The following NALF1 variants were observed in gnomAD, a reference collection of about 807,000 sequenced individuals.
NALF1 encodes NALCN channel auxiliary factor 1.
NALF1 carries 3 observed loss-of-function variants against 48.4 expected under a neutral mutation model. That is an observed-to-expected ratio of 0.06 (90% CI 0.03 to 0.16). NALF1 has a LOEUF of 0.16. Ranked by LOEUF, NALF1 falls within the 10% of genes least tolerant of loss-of-function variation. NALF1 has a pLI of 1.00. For synonymous variants in NALF1, 262 were observed against 245.7 expected (o/e 1.07, Z -0.62); for missense variants, 526 against 571.5 (o/e 0.92, Z 0.81).
intron 1 of NALF1, among the ~76,000 whole-genome samples, chr13:107,850,694 G>A (rs1188426561): frequency 2.4e-4 from 37 of 152,284 alleles, no homozygotes; most frequent in Admixed American, 1.8e-3. Context: ...CCTGAGGTCA[G>A]GAGTTCAATA....
intron 1 of NALF1, among the ~76,000 whole-genome samples, chr13:107,277,040 T>C (rs756177390): frequency 2.0e-5 from 3 of 152,182 alleles, no homozygotes; most frequent in South Asian, 2.1e-4. Flanking sequence ...AACATTGTAT[T>C]CACATTCTAG....
chr13:107,647,802 A>C (rs1209967527), intron 1 of NALF1, among the ~76,000 whole-genome samples: 1 of 152,114 alleles, frequency 6.6e-6, no homozygotes, highest in African/African-American at 2.4e-5. Flanking sequence ...ACTGAGTTAA[A>C]TATTACATTT....
intron 1 of NALF1, among the ~76,000 whole-genome samples, chr13:107,537,477 A>G (rs1032033218): frequency 9.9e-5 from 15 of 152,156 alleles, no homozygotes; most frequent in Admixed American, 8.5e-4. Context: ...TATAGTAACA[A>G]AGTAATTTGT....
intron 1 of NALF1, among the ~76,000 whole-genome samples, chr13:107,847,957 T>G (rs182274570): frequency 6.6e-6 from 1 of 152,386 alleles, no homozygotes; most frequent in Non-Finnish European, 1.5e-5. Flanking sequence ...TTCACTTTGA[T>G]CTAAACTTTA....
intron 1 of NALF1, among the ~76,000 whole-genome samples, chr13:107,548,904 A>G (rs1594123004): frequency 6.6e-6 from 1 of 152,164 alleles, no homozygotes; most frequent in African/African-American, 2.4e-5. Flanking sequence ...GAATCCAAAT[A>G]TAAGTATTAT....
intron 1 of NALF1, among the ~76,000 whole-genome samples, chr13:107,472,578 T>C (rs751416279): frequency 6.6e-6 from 1 of 152,092 alleles, no homozygotes; most frequent in Admixed American, 6.5e-5. Context: ...CAGAGGAACA[T>C]GGAGAGACTA....
At chr13:107,835,612 G>T (rs1879866233) in intron 1 of NALF1, among the ~76,000 whole-genome samples, 1 of 150,548 alleles carries the variant, frequency 6.6e-6, no homozygotes, top group Non-Finnish European at 1.5e-5. Context: ...GAGCTTAGGG[G>T]CAGGCACAAG....
In NALF1 at chr13:107,170,512, TGAG is replaced by T. The variant is rs1477175835; in HGVS notation, c.1359_1361del (p.Asn453_Ser454delinsLys). The stretch of plus-strand genomic sequence containing the variant: ...CGTCCTTCCGTTACTCCTCATTGGT[TGAG>T]TTTTCTTCCAGCGTGTTGATGCCTC... On this transcript the variant is annotated inframe_deletion, in exon 3 of 3. Coordinates refer to ENST00000375915, the MANE Select transcript of NALF1 (RefSeq NM_001080396.3). The T allele has an allele frequency of 1.1e-5, 17 of 1,600,564 alleles. No homozygotes were observed. Among genetic ancestry groups the T allele is most frequent in the South Asian group, 8.8e-5 (8 of 90,956 alleles).
chr13:107,233,308 C>G (rs187808627), intron 1 of NALF1, among the ~76,000 whole-genome samples: 561 of 152,216 alleles, frequency 3.7e-3, no homozygotes, highest in Middle Eastern at 6.8e-3. Flanking sequence ...GATAACACAA[C>G]CAAAGGACCA....
intron 1 of NALF1, among the ~76,000 whole-genome samples, chr13:107,641,765 G>A (rs903260524): frequency 3.3e-5 from 5 of 152,114 alleles, no homozygotes; most frequent in Non-Finnish European, 7.4e-5. Flanking sequence ...CCTGAACCGT[G>A]GCTGGGGGCC....
intron 1 of NALF1, among the ~76,000 whole-genome samples, chr13:107,360,980 C>G (rs912546451): frequency 1.3e-5 from 2 of 152,088 alleles, no homozygotes; most frequent in Admixed American, 1.3e-4. Flanking sequence ...TTTAATACAT[C>G]TTTTCTCCCA....
chr13:107,512,857 T>G (rs952001985), intron 1 of NALF1, among the ~76,000 whole-genome samples: 1 of 152,098 alleles, frequency 6.6e-6, no homozygotes, highest in Non-Finnish European at 1.5e-5. Flanking sequence ...CCCGCTCCCT[T>G]TTTTAGCTAG....
intron 1 of NALF1, among the ~76,000 whole-genome samples, chr13:107,568,721 C>T (rs1211811982): frequency 6.6e-6 from 1 of 152,078 alleles, no homozygotes; most frequent in Non-Finnish European, 1.5e-5. Flanking sequence ...TTTTTATGTG[C>T]TTATTTTCAA....
At chr13:107,515,258 T>C (rs917083166) in intron 1 of NALF1, among the ~76,000 whole-genome samples, 4 of 152,050 alleles carry the variant, frequency 2.6e-5, no homozygotes, top group African/African-American at 7.2e-5. Flanking sequence ...GACAGTAAGA[T>C]TGGAAAGGTT....
At chr13:107,244,923 C>T (rs1880549706) in intron 1 of NALF1, among the ~76,000 whole-genome samples, 1 of 152,032 alleles carries the variant, frequency 6.6e-6, no homozygotes, top group African/African-American at 2.4e-5. Flanking sequence ...TATGTGTTTC[C>T]TATTATTTAT....
intron 1 of NALF1, among the ~76,000 whole-genome samples, chr13:107,600,113 T>C (rs117147361): frequency 7.4e-4 from 113 of 152,294 alleles, no homozygotes; most frequent in Non-Finnish European, 1.5e-3. Flanking sequence ...TGTAAGAAAG[T>C]AGCCTCTTCA....
chr13:107,833,877 G>T (rs1879813295), intron 1 of NALF1, among the ~76,000 whole-genome samples: 1 of 151,608 alleles, frequency 6.6e-6, no homozygotes, highest in African/African-American at 2.4e-5. Flanking sequence ...CCTTAAAGCT[G>T]TTTTTTTAAT....
intron 1 of NALF1, among the ~76,000 whole-genome samples, chr13:107,671,035 A>G (rs148597612): frequency 1.1e-4 from 16 of 152,242 alleles, no homozygotes; most frequent in African/African-American, 3.8e-4. Flanking sequence ...TCAGATGTGC[A>G]ACTTCCTTAT....
intron 1 of NALF1, among the ~76,000 whole-genome samples, chr13:107,487,181 A>G (rs1885342765): frequency 6.6e-6 from 1 of 152,142 alleles, no homozygotes; most frequent in South Asian, 2.1e-4. Context: ...AACACATACA[A>G]TGTCTTATTT....
Sources: gnomAD v4.1 joint callset for allele counts (sites outside exome capture counted in the v4.1 genomes callset) on GRCh38, gnomAD v4.1.1 for gene constraint, MANE v1.5 for transcripts, NCBI Gene and HGNC (gene_info 2026-07-23, HGNC 2026-07-21) for gene names.